The following ZRANB3 variants were observed in gnomAD, a reference collection of about 807,000 sequenced individuals.
ZRANB3 encodes the protein DNA annealing helicase and endonuclease ZRANB3.
A neutral mutation model predicts 133.8 loss-of-function variants in ZRANB3; 125 were observed. The ratio of observed to expected loss-of-function variants is 0.93; its 90% confidence interval spans 0.81 to 1.08. ZRANB3 has a LOEUF of 1.08. ZRANB3 is among the 50% of genes least tolerant of loss of function. The probability of loss-of-function intolerance (pLI) is 0.00; values close to 1 mark genes in which losing one functional copy is unlikely to be tolerated. For missense variants in ZRANB3, 1,229 were observed against 1,275.5 expected (o/e 0.96, Z 0.56); for synonymous variants, 387 against 432.7 (o/e 0.89, Z 1.31).
intron 2 of ZRANB3, among the ~76,000 whole-genome samples, chr2:135,432,970 G>T (rs1386159816): frequency 1.3e-5 from 2 of 152,198 alleles, no homozygotes; most frequent in African/African-American, 4.8e-5. Context: ...GAGCTAGACT[G>T]AAGTGCTTAT....
At chr2:135,237,684 C>G (rs1000689990) in intron 12 of ZRANB3, among the ~76,000 whole-genome samples, 1 of 151,758 alleles carries the variant, frequency 6.6e-6, no homozygotes, top group African/African-American at 2.4e-5. Context: ...AGCAAACTAT[C>G]GCAAGGACAA....
intron 17 of ZRANB3, among the ~76,000 whole-genome samples, chr2:135,211,522 C>T (rs1206129420): frequency 6.6e-6 from 1 of 152,200 alleles, no homozygotes; most frequent in Non-Finnish European, 1.5e-5. Flanking sequence ...ACCTGAGCAA[C>T]AGATTGAGAC....
At chr2:135,302,668 G>T (rs190905445) in intron 8 of ZRANB3, among the ~76,000 whole-genome samples, 51 of 152,000 alleles carry the variant, frequency 3.4e-4, no homozygotes, top group African/African-American at 1.1e-3. Flanking sequence ...TGGGACTACA[G>T]GCACGCACCA....
intron 12 of ZRANB3, among the ~76,000 whole-genome samples, chr2:135,237,649 G>C (rs1290121732): frequency 3.9e-5 from 6 of 152,166 alleles, no homozygotes; most frequent in African/African-American, 1.4e-4. Context: ...TAGGGACATG[G>C]ATGAAGCTGG....
intron 12 of ZRANB3, among the ~76,000 whole-genome samples, chr2:135,248,020 G>C (rs1695881651): frequency 6.6e-6 from 1 of 152,152 alleles, no homozygotes; most frequent in African/African-American, 2.4e-5. Context: ...ACCAGCAACA[G>C]GCCTGTACCT....
At chr2:135,485,892 C>G (rs192910789) in intron 2 of ZRANB3, among the ~76,000 whole-genome samples, 7 of 152,286 alleles carry the variant, frequency 4.6e-5, no homozygotes, top group African/African-American at 1.7e-4. Context: ...CTTATATCTC[C>G]TCAGACATGA....
intron 2 of ZRANB3, among the ~76,000 whole-genome samples, chr2:135,502,743 T>C (rs1006799619): frequency 3.3e-5 from 5 of 152,202 alleles, no homozygotes; most frequent in African/African-American, 4.8e-5. Flanking sequence ...CTGAGGACCG[T>C]TAACACTGTG....
At chr2:135,267,728 T>C (rs1680314794) in intron 11 of ZRANB3, among the ~76,000 whole-genome samples, 4 of 152,208 alleles carry the variant, frequency 2.6e-5, no homozygotes, top group Admixed American at 2.6e-4. Context: ...AACCAACATA[T>C]GATCGGCCAT....
chr2:135,292,829 C>T (rs1054663848), intron 8 of ZRANB3, among the ~76,000 whole-genome samples: 2 of 152,080 alleles, frequency 1.3e-5, no homozygotes, highest in Non-Finnish European at 2.9e-5. Context: ...CCAGTTTTCC[C>T]AGCACCATTT....
intron 1 of ZRANB3, among the ~76,000 whole-genome samples, chr2:135,524,432 T>C (rs970653717): frequency 2.6e-5 from 4 of 152,190 alleles, no homozygotes; most frequent in Admixed American, 2.0e-4. Context: ...GAATGACCCA[T>C]TGATTCTCGA....
intron 6 of ZRANB3, among the ~76,000 whole-genome samples, chr2:135,344,662 C>T (rs897846824): frequency 1.6e-4 from 24 of 152,028 alleles, no homozygotes; most frequent in African/African-American, 5.8e-4. Flanking sequence ...GCTTGAACAT[C>T]GGAAGCGGAG....
At chr2:135,462,060 G>A (rs1366601572) in intron 2 of ZRANB3, among the ~76,000 whole-genome samples, 2 of 152,132 alleles carry the variant, frequency 1.3e-5, no homozygotes, top group African/African-American at 4.8e-5. Flanking sequence ...ATTCAAAATA[G>A]AAGGCAAATG....
intron 14 of ZRANB3, among the ~76,000 whole-genome samples, chr2:135,224,822 C>G (rs2105060482): frequency 6.6e-6 from 1 of 152,264 alleles, no homozygotes; most frequent in East Asian, 1.9e-4. Flanking sequence ...CCAATAAGAG[C>G]TGCTATTGGT....
intron 6 of ZRANB3, among the ~76,000 whole-genome samples, chr2:135,343,983 G>A (rs1215311536): frequency 7.2e-6 from 1 of 139,594 alleles, no homozygotes; most frequent in Non-Finnish European, 1.5e-5. Context: ...ATATAAAAAT[G>A]CACATGCCCT....
Position 135,504,429 on chromosome 2 carries a change from C to T in ZRANB3, c.61G>A (p.Glu21Lys). The stretch of plus-strand genomic sequence containing the variant: ...AAAAAATCCAGCAGATTATCAGATT[C>T]ATTTGTCACACAAGAAATGTGAGGT... ...LTPHISCVTN[E>K]SDNLLDFLPD... Residue 21 changes from glutamate (E) to lysine (K), a missense_variant, in exon 2 of 21, where the codon GAA (glutamate) becomes AAA (lysine). Physicochemically the swap from Glu to Lys is moderately conservative, Grantham distance 56. Coordinates refer to ENST00000264159, the MANE Select transcript of ZRANB3 (RefSeq NM_032143.4). 1 of 1,613,620 alleles carries T rather than the reference C, an allele frequency of 6.2e-7. No homozygotes were observed. The highest frequency in any genetic ancestry group is 8.5e-7 in the Non-Finnish European group (1 of 1,179,738).
At chr2:135,210,736 C>T (rs530230098) in intron 17 of ZRANB3, among the ~76,000 whole-genome samples, 1 of 152,256 alleles carries the variant, frequency 6.6e-6, no homozygotes, top group South Asian at 2.1e-4. Context: ...GAGTTCGAGA[C>T]CAGCCTGGCC....
At chr2:135,493,876 C>T (rs752801209) in intron 2 of ZRANB3, among the ~76,000 whole-genome samples, 1 of 152,114 alleles carries the variant, frequency 6.6e-6, no homozygotes, top group Non-Finnish European at 1.5e-5. Flanking sequence ...CCCAAATGTC[C>T]ATCACCAAGT....
chr2:135,401,468 C>A (rs932927746), intron 2 of ZRANB3, among the ~76,000 whole-genome samples: 5 of 152,182 alleles, frequency 3.3e-5, no homozygotes, highest in African/African-American at 1.2e-4. Flanking sequence ...CCCCTTCCCC[C>A]TCACAAACAC....
At position 135,329,376 on chromosome 2, in the gene ZRANB3, T is replaced by C. The variant is rs149868396; in HGVS notation, c.678-13846A>G. ...CAAAGATCAGATGGTTGTAGATGTG[T>C]GGTGTTATTTCTGAGGCCTCTGTTC... On this transcript the variant is annotated intron_variant, in intron 6 of 20. Transcript: ENST00000264159. Among the ~76,000 whole-genome samples, 1,462 of 152,232 alleles carry C rather than the reference T, an allele frequency of 9.6e-3. 24 individuals are homozygous for C. Among genetic ancestry groups the C allele is most frequent in the African/African-American group, 0.034 (1,397 of 41,546 alleles).
Sources: gnomAD v4.1 joint callset for allele counts (sites outside exome capture counted in the v4.1 genomes callset) on GRCh38, gnomAD v4.1.1 for gene constraint, MANE v1.5 for transcripts, NCBI Gene and HGNC (gene_info 2026-07-23, HGNC 2026-07-21) for gene names.